ADCY9: variants seen among roughly 807,000 people sequenced by gnomAD.
ADCY9 encodes adenylate cyclase 9, also known as adenylate cyclase type 9.
In ADCY9, 50 loss-of-function variants were observed where a neutral mutation model predicts 101.5. That is an observed-to-expected ratio of 0.49 (90% CI 0.39 to 0.62). The LOEUF is 0.62. Among genes scored for constraint, ADCY9 ranks in the 20% least tolerant of loss-of-function variants. The pLI is 0.00. For missense variants in ADCY9, 1,662 were observed against 1,800.4 expected, an observed-to-expected ratio of 0.92 and a Z score of 1.39; for synonymous variants, 905 against 769.3, an observed-to-expected ratio of 1.18 and a Z score of -2.92.
intron 6 of ADCY9, chr16:3,984,253 G>A (rs2056171531): frequency 6.6e-6 from 1 of 152,246 alleles, no homozygotes; most frequent in African/African-American, 2.4e-5. Flanking sequence ...CCTGCTGCAT[G>A]GCGGAGTCCT....
rs184107464 is a variant in ADCY9 at position 4,008,025 on chromosome 16, C to G, written c.1694-467G>C. 1.7e-3 allele frequency among the ~76,000 whole-genome samples: 263 copies of G among 152,090 alleles called. 4 individuals carry two copies. The highest frequency in any genetic ancestry group is 0.017 in the Admixed American group (262 of 15,274). Reference sequence around the variant, plus strand: ...ACCATCTTACCTGTGTCAGAGGCTGCAAAACTACCCCGAAAAACAAGACCC... The same window carrying G: ...ACCATCTTACCTGTGTCAGAGGCTGGAAAACTACCCCGAAAAACAAGACCC... On this transcript the variant is annotated intron_variant, in intron 2 of 10. Transcript: ENST00000294016.
At position 4,089,444 on chromosome 16, in the gene ADCY9, GATGTGTTACTTGTTTTGTTT is replaced by G. The variant is rs1280680657; in HGVS notation, c.1693+24286_1693+24305del. Among the ~76,000 whole-genome samples the G allele has an allele frequency of 1.4e-4, 22 of 152,062 alleles. 1 individual carries two copies. Among genetic ancestry groups the G allele is most frequent in the Admixed American group, 4.6e-4 (7 of 15,260 alleles). ...TCCTACAGAGGTGCTACGTTTTGTT[GATGTGTTACTTGTTTTGTTT>G]ATGTGTTCATCAGCAGACAGGCATT... On this transcript the variant is annotated intron_variant, in intron 2 of 10. Transcript: ENST00000294016.
In ADCY9 at chr16:3,983,218, C is replaced by T. The variant is rs1385688721; in HGVS notation, c.2519+14G>A. 3.2e-6 allele frequency: 5 copies of T among 1,544,902 alleles called. No homozygotes were observed. The African/African-American group carries it at 4.1e-5, about 13-fold the overall frequency. ...ACGGCTCAGAGCTGGAGACCCAGTCCACGCGGCGCTTACCTGATGGACACC... is the reference window on the plus strand; with the variant it reads ...ACGGCTCAGAGCTGGAGACCCAGTCTACGCGGCGCTTACCTGATGGACACC... On this transcript the variant is annotated intron_variant, in intron 7 of 10. Coordinates refer to ENST00000294016, the MANE Select transcript of ADCY9 (RefSeq NM_001116.4).
chr16:4,045,965 C>T (rs2056661918), intron 2 of ADCY9, among the ~76,000 whole-genome samples: 1 of 150,932 alleles, frequency 6.6e-6, no homozygotes, highest in African/African-American at 2.4e-5. Context: ...CCATTTCAGC[C>T]TCCCCAGTAG....
intron 2 of ADCY9, among the ~76,000 whole-genome samples, chr16:4,074,328 C>T (rs2056853027): frequency 6.6e-6 from 1 of 151,480 alleles, no homozygotes; most frequent in Non-Finnish European, 1.5e-5. Context: ...TTGTAAATTT[C>T]GGGCAATGAC....
intron 2 of ADCY9, among the ~76,000 whole-genome samples, chr16:4,085,395 C>T (rs1216457786): frequency 6.6e-6 from 1 of 152,042 alleles, no homozygotes; most frequent in East Asian, 1.9e-4. Context: ...CACCAGGTTC[C>T]AAAAGAGAGC....
chr16:4,100,486 C>A (rs905951061), intron 2 of ADCY9, among the ~76,000 whole-genome samples: 1 of 151,986 alleles, frequency 6.6e-6, no homozygotes, highest in Non-Finnish European at 1.5e-5. Context: ...TATGCCACCA[C>A]GCCTGGCTAA....
chr16:4,022,407 C>T (rs942263722), intron 2 of ADCY9, among the ~76,000 whole-genome samples: 12 of 136,628 alleles, frequency 8.8e-5, no homozygotes, highest in African/African-American at 2.7e-4. Context: ...ATGAGAATGG[C>T]GTGAACCCGG....
intron 3 of ADCY9, among the ~76,000 whole-genome samples, chr16:4,003,098 G>T (rs1193053723): frequency 6.6e-6 from 1 of 152,038 alleles, no homozygotes; most frequent in Non-Finnish European, 1.5e-5. Context: ...CACCCACAGG[G>T]TTCATGAGAA....
intron 2 of ADCY9, among the ~76,000 whole-genome samples, chr16:4,024,989 G>A (rs1035882508): frequency 2.6e-5 from 4 of 151,978 alleles, no homozygotes; most frequent in African/African-American, 9.7e-5. Flanking sequence ...AGGTGGGGAG[G>A]CCTGGGAAGC....
At chr16:3,995,119 A>G (rs777183266) in intron 3 of ADCY9, among the ~76,000 whole-genome samples, 1 of 152,134 alleles carries the variant, frequency 6.6e-6, no homozygotes, top group Non-Finnish European at 1.5e-5. Flanking sequence ...ATAAACAAAG[A>G]GTGAAGATAT....
intron 2 of ADCY9, among the ~76,000 whole-genome samples, chr16:4,106,981 T>C (rs567904580): frequency 3.3e-5 from 5 of 152,314 alleles, no homozygotes; most frequent in African/African-American, 9.6e-5. Flanking sequence ...CTTCATCCCA[T>C]TGGCAATTCA....
At chr16:3,967,137 T>C (rs957584374) in intron 10 of ADCY9, among the ~76,000 whole-genome samples, 171 bp from the exon 11 acceptor site, 1 of 152,232 alleles carries the variant, frequency 6.6e-6, no homozygotes, top group African/African-American at 2.4e-5. Flanking sequence ...GGATAAAGAC[T>C]AACTTTTGAA....
Position 3,966,952 on chromosome 16 carries a change from G to A in ADCY9, c.2885C>T (p.Pro962Leu), listed in dbSNP as rs768405098. The change falls in exon 11 of 11, where the codon CCG (proline) becomes CTG (leucine). Residue 962 changes from proline (P) to leucine (L), a missense_variant. By Grantham distance (98) the Pro-to-Leu change is moderately conservative. Transcript: ENST00000294016. ...GTCACGCGGCACCGAACTATTGCAC[G>A]GGTTCCTCTCGGAACTGGAGAGCAA... ...AVQNFSSERN[P>L]CNSSVPRDLR... The A allele has an allele frequency of 8.7e-6, 14 of 1,611,778 alleles. No individual in the cohort carries two copies. The highest frequency in any genetic ancestry group is 8.0e-5 in the African/African-American group (6 of 74,858).
downstream of ADCY9, among the ~76,000 whole-genome samples, chr16:3,960,962 A>T (rs1028974468): frequency 6.6e-6 from 1 of 152,098 alleles, no homozygotes; most frequent in Non-Finnish European, 1.5e-5. Flanking sequence ...CTTTCCCAGT[A>T]CGCGGGATCT....
chr16:4,055,562 G>A (rs1024998464), intron 2 of ADCY9, among the ~76,000 whole-genome samples: 12 of 151,546 alleles, frequency 7.9e-5, no homozygotes, highest in South Asian at 2.1e-4. Context: ...GGCCAGACGC[G>A]GTGGCTCACA....
intron 2 of ADCY9, among the ~76,000 whole-genome samples, chr16:4,087,041 T>C (rs2056943405): frequency 6.6e-6 from 1 of 152,020 alleles, no homozygotes; most frequent in African/African-American, 2.4e-5. Context: ...ACCTGAACCC[T>C]ATTCCATTCT....
chr16:3,992,176 G>A lies in ADCY9; in HGVS notation c.2177C>T (p.Ala726Val). The change falls in exon 5 of 11, where the codon GCC becomes GTC. Residue 726 changes from alanine to valine, a missense_variant. Ala to Val is a moderately conservative substitution (Grantham distance 64). Transcript: ENST00000294016. This position sits in a 1 kb window ranked among gnomAD's most constrained non-coding sequence, Gnocchi z 4.2. ...RFKNIREKTD[A>V]HFVDVIKEDS... Reference sequence around the variant, plus strand: ...TTCTTTGATAACGTCCACAAAGTGGGCGTCCGTTTTCTCCCGGATGTTCTT... The same window carrying A: ...TTCTTTGATAACGTCCACAAAGTGGACGTCCGTTTTCTCCCGGATGTTCTT... 1 of 1,614,170 alleles carries A rather than the reference G, an allele frequency of 6.2e-7. No individual in the cohort carries two copies. The highest frequency in any genetic ancestry group is 8.5e-7 in the Non-Finnish European group (1 of 1,180,026).
intron 2 of ADCY9, among the ~76,000 whole-genome samples, chr16:4,094,209 C>T (rs2056989532): frequency 6.6e-6 from 1 of 151,380 alleles, no homozygotes; most frequent in African/African-American, 2.4e-5. Context: ...TTTTAACCTC[C>T]TGCAGTTCCT....
Sources: allele counts gnomAD v4.1 joint callset (sites outside exome capture counted in the v4.1 genomes callset), GRCh38; gene constraint gnomAD v4.1.1; non-coding constraint Gnocchi (gnomAD v3.1); transcripts MANE v1.5; gene names NCBI Gene and HGNC (gene_info 2026-07-23, HGNC 2026-07-21).